ACSM3: variants seen among roughly 807,000 people sequenced by gnomAD.
ACSM3 encodes the protein acyl-CoA synthetase medium chain family member 3.
Under a neutral mutation model 74.1 loss-of-function variants are expected in ACSM3, and 61 were observed. The observed-to-expected ratio is 0.82, with a 90% CI of 0.67 to 1.02. ACSM3 has a LOEUF of 1.02. ACSM3 is among the 50% of genes least tolerant of loss of function. The pLI, the probability that ACSM3 is intolerant of heterozygous loss-of-function variation, is 0.00. For missense variants in ACSM3, 660 were observed against 697.0 expected (o/e 0.95, Z 0.60); for synonymous variants, 213 against 241.5 (o/e 0.88, Z 1.09).
chr16:20,740,036 T>C (rs2079903655), intron 1 of ACSM3, among the ~76,000 whole-genome samples: 1 of 152,154 alleles, frequency 6.6e-6, no homozygotes. Flanking sequence ...TTAGACCAAA[T>C]ACCTGTGGAA....
rs572075284 is a variant in ACSM3 at position 20,686,480 on chromosome 16, G to A, written c.-190+11658G>A. On this transcript the variant is annotated intron_variant, in intron 1 of 3. Coordinates refer to the ACSM3 transcript ENST00000561584. Reference sequence around the variant, plus strand: ...ACTGGGGCCAGTCTGACGGGTCAGGGGCCATGGGAGGGAGAGCATTAGGAC... The same window carrying A: ...ACTGGGGCCAGTCTGACGGGTCAGGAGCCATGGGAGGGAGAGCATTAGGAC... Among the ~76,000 whole-genome samples the A allele has an allele frequency of 2.0e-5, 3 of 152,192 alleles. No homozygotes were observed. In the East Asian group the frequency reaches 5.8e-4, roughly 29 times the overall value.
At chr16:20,716,997 T>C (rs9934678) in intron 1 of ACSM3, among the ~76,000 whole-genome samples, 1 of 152,214 alleles carries the variant, frequency 6.6e-6, no homozygotes, top group African/African-American at 2.4e-5. Flanking sequence ...AACAAGTTTA[T>C]TATCTGACAA....
At position 20,742,814 on chromosome 16, in the gene ACSM3, T is replaced by TATATATA. The variant is rs1555483507; in HGVS notation, c.-189-7096_-189-7095insATATATA. Among the ~76,000 whole-genome samples the TATATATA allele has an allele frequency of 3.1e-3, 162 of 51,770 alleles. 1 individual carries two copies. The highest frequency in any genetic ancestry group is 3.7e-3 in the Non-Finnish European group (80 of 21,462). 34.0% of individuals were successfully genotyped at this position (51,770 alleles called of 152,430 possible). A position where few individuals can be genotyped will look rare whatever the true frequency, so the allele number is the denominator to read the frequency against. ...GTAAATATATATATATATATATATA[T>TATATATA]TTTTTTTTTTTCCCTTCTCCCCTTC... On this transcript the variant is annotated intron_variant, in intron 1 of 3. Coordinates refer to the ACSM3 transcript ENST00000561584.
chr16:20,691,727 TG>T (rs2079654002), intron 1 of ACSM3, among the ~76,000 whole-genome samples: 1 of 150,464 alleles, frequency 6.6e-6, no homozygotes, highest in Admixed American at 6.6e-5. Flanking sequence ...TAACCTAAGC[TG>T]GGCCAATCAT....
intron 1 of ACSM3, among the ~76,000 whole-genome samples, chr16:20,705,501 AAG>A (rs962143792): frequency 7.9e-5 from 12 of 152,066 alleles, no homozygotes; most frequent in African/African-American, 1.7e-4. Context: ...GAAAAATTTC[AAG>A]AGAGAGAGAG....
intron 3 of ACSM3, among the ~76,000 whole-genome samples, chr16:20,757,351 G>A (rs1208386582): frequency 4.0e-5 from 6 of 150,538 alleles, no homozygotes; most frequent in African/African-American, 7.3e-5. Context: ...GGTCCTTCAC[G>A]TCCCTTGTAA....
At chr16:20,794,542 G>A (rs569769639) in intron 12 of ACSM3, among the ~76,000 whole-genome samples, 1 of 152,238 alleles carries the variant, frequency 6.6e-6, no homozygotes, top group East Asian at 1.9e-4. Flanking sequence ...CTATCATATT[G>A]AATGGCACAG....
At chr16:20,704,174 T>A (rs1348373617) in intron 1 of ACSM3, among the ~76,000 whole-genome samples, 2 of 152,188 alleles carry the variant, frequency 1.3e-5, no homozygotes, top group Non-Finnish European at 2.9e-5. Flanking sequence ...CTCTCTGGGT[T>A]TAGGCAGCTA....
At chr16:20,736,717 A>G in intron 1 of ACSM3, 1 of 705,750 alleles carries the variant, frequency 1.4e-6, no homozygotes, top group Non-Finnish European at 2.3e-6. Context: ...AGATCCCTAA[A>G]AAAACTGTTA....
intron 1 of ACSM3, chr16:20,741,481 G>GGGGGGGGGC: frequency 4.6e-6 from 6 of 1,308,408 alleles, no homozygotes; most frequent in Non-Finnish European, 5.9e-6. Flanking sequence ...CTGGCAGCCG[G>GGGGGGGGGC]CCCGCCCGCC....
chr16:20,736,257 C>T (rs2079867884), intron 1 of ACSM3: 1 of 152,006 alleles, frequency 6.6e-6, no homozygotes, highest in East Asian at 1.9e-4. Context: ...GACTGAAGTT[C>T]TTCATCACCA....
Position 20,770,375 on chromosome 16 carries a change from T to C in ACSM3, c.219+122T>C, listed in dbSNP as rs554494301. On this transcript the variant is annotated intron_variant, in intron 2 of 13. Coordinates refer to ENST00000289416, the MANE Select transcript of ACSM3 (RefSeq NM_005622.4). Reference sequence around the variant, plus strand: ...TGATAGGGGCAGAGGCAGTTGCTACTGGCATCTAACAGGTAAAAGCCAGGG... The same window carrying C: ...TGATAGGGGCAGAGGCAGTTGCTACCGGCATCTAACAGGTAAAAGCCAGGG... The C allele has an allele frequency of 7.4e-6, 6 of 812,010 alleles. No individual in the cohort carries two copies. The East Asian group carries it at 1.3e-4, about 18-fold the overall frequency. The allele number at this position is 812,010 out of a possible 1,614,324, so 50.3% of individuals were successfully genotyped here. A position where few individuals can be genotyped will look rare whatever the true frequency, so the allele number is the denominator to read the frequency against.
intron 1 of ACSM3, chr16:20,685,429 T>C (rs760682659): frequency 1.2e-6 from 2 of 1,610,286 alleles, no homozygotes; most frequent in South Asian, 2.2e-5. Context: ...TATTATGTGT[T>C]ATTTTCTGCT....
intron 4 of ACSM3, chr16:20,780,456 CCTT>C (rs2080327672): frequency 1.5e-6 from 1 of 662,948 alleles, no homozygotes; most frequent in South Asian, 2.2e-5. Flanking sequence ...ATGCTTCAAT[CCTT>C]CTTTATCATA....
At chr16:20,677,206 G>C (rs2020339547) in intron 1 of ACSM3, among the ~76,000 whole-genome samples, 1 of 148,118 alleles carries the variant, frequency 6.8e-6, no homozygotes, top group South Asian at 2.1e-4. Flanking sequence ...GGCTAACCAG[G>C]AGAAGACTTT....
Position 20,750,513 on chromosome 16 carries a change from T to C in ACSM3, c.-96+510T>C, listed in dbSNP as rs140897722. Among the ~76,000 whole-genome samples the C allele has an allele frequency of 2.7e-3, 416 of 152,300 alleles. 1 individual carries two copies. The highest frequency in any genetic ancestry group is 9.3e-3 in the African/African-American group (387 of 41,546). ...TTGTCAGCTATCTGATTTCAGAGGATCCAACCAGGACTCAGGCTTAGGGGA... is the reference window on the plus strand; with the variant it reads ...TTGTCAGCTATCTGATTTCAGAGGACCCAACCAGGACTCAGGCTTAGGGGA... On this transcript the variant is annotated intron_variant, in intron 2 of 3. Coordinates refer to the ACSM3 transcript ENST00000561584.
intron 1 of ACSM3, among the ~76,000 whole-genome samples, chr16:20,716,539 T>C (rs187776491): frequency 1.3e-5 from 2 of 152,300 alleles, no homozygotes; most frequent in Non-Finnish European, 2.9e-5. Flanking sequence ...CCCAGGCTTA[T>C]AAACATGCTC....
At chr16:20,677,294 A>T (rs113638159) in intron 1 of ACSM3, among the ~76,000 whole-genome samples, 2 of 151,912 alleles carry the variant, frequency 1.3e-5, no homozygotes, top group South Asian at 4.1e-4. Flanking sequence ...AACTAAGCTT[A>T]TCTTCTTGTA....
Position 20,792,259 on chromosome 16 carries a change from T to C in ACSM3, c.1478T>C (p.Val493Ala), listed in dbSNP as rs778032064. 2.0e-5 allele frequency: 32 copies of C among 1,613,916 alleles called. No homozygotes were observed. Among genetic ancestry groups the C allele is most frequent in the Admixed American group, 6.7e-5 (4 of 59,996 alleles). ...SSGYRIGPFE[V>A]ENALNEHPSV... Reference sequence around the variant, plus strand: ...AGCTATCGAATTGGACCATTTGAGGTAGAAAATGCCCTGAATGAACACCCT... The same window carrying C: ...AGCTATCGAATTGGACCATTTGAGGCAGAAAATGCCCTGAATGAACACCCT... The change falls in exon 12 of 14, where the codon GTA (valine) becomes GCA (alanine). Residue 493 changes from valine (V) to alanine (A), a missense_variant. Physicochemically the swap from Val to Ala is moderately conservative, Grantham distance 64 (BLOSUM62 0). Coordinates refer to ENST00000289416, the MANE Select transcript of ACSM3 (RefSeq NM_005622.4).
Sources: allele counts gnomAD v4.1 joint callset (sites outside exome capture counted in the v4.1 genomes callset), GRCh38; gene constraint gnomAD v4.1.1; transcripts MANE v1.5; gene names NCBI Gene and HGNC (gene_info 2026-07-23, HGNC 2026-07-21).